Variants in SRP54 observed in about 807,000 individuals in gnomAD.
SRP54 encodes signal recognition particle 54.
A neutral mutation model predicts 64.8 loss-of-function variants in SRP54; 10 were observed. The ratio of observed to expected loss-of-function variants is 0.15; its 90% confidence interval spans 0.10 to 0.26. The LOEUF (loss-of-function observed/expected upper bound fraction) is 0.26, where lower values mean the gene tolerates loss of function less well. SRP54 is among the 10% of genes least tolerant of loss of function. The pLI is 1.00. For synonymous variants in SRP54, 193 were observed against 185.6 expected (o/e 1.04, Z -0.32); for missense variants, 325 against 613.7 (o/e 0.53, Z 4.97).
At chr14:35,003,482 T>G (rs1225677754) in intron 4 of SRP54, among the ~76,000 whole-genome samples, 1 of 152,032 alleles carries the variant, frequency 6.6e-6, no homozygotes, top group Non-Finnish European at 1.5e-5. Context: ...TCGAGCGATC[T>G]TCTCTCCTCA....
chr14:35,014,096 A>G (rs2044398494), intron 10 of SRP54, among the ~76,000 whole-genome samples, 194 bp downstream of exon 10: 1 of 152,092 alleles, frequency 6.6e-6, no homozygotes, highest in African/African-American at 2.4e-5. Context: ...GGTATCTAGT[A>G]GAAAGTTCTT....
At chr14:35,007,797 CAT>C (rs993503775) in intron 5 of SRP54, among the ~76,000 whole-genome samples, 2 of 108,260 alleles carry the variant, frequency 1.8e-5, no homozygotes, top group Non-Finnish European at 4.1e-5. Context: ...ATATTAATAA[CAT>C]ATTAAGATAT....
At chr14:34,990,827 A>G (rs186588405) in intron 1 of SRP54, among the ~76,000 whole-genome samples, 50 of 152,372 alleles carry the variant, frequency 3.3e-4, no homozygotes, top group Non-Finnish European at 5.1e-4. Flanking sequence ...TATTTAATGT[A>G]CAGTACAAAT....
At chr14:34,990,985 A>G (rs963350948) in intron 1 of SRP54, among the ~76,000 whole-genome samples, 3 of 151,964 alleles carry the variant, frequency 2.0e-5, no homozygotes, top group Non-Finnish European at 4.4e-5. Flanking sequence ...CATTTCATTC[A>G]TTCATAATGT....
chr14:34,993,469 C>G (rs1226832057), intron 1 of SRP54: 1 of 151,664 alleles, frequency 6.6e-6, no homozygotes, highest in Non-Finnish European at 1.5e-5. Flanking sequence ...TCAATTTCAT[C>G]AAGTATTGGT....
intron 4 of SRP54, among the ~76,000 whole-genome samples, chr14:35,003,555 T>C (rs982946756): frequency 8.7e-6 from 1 of 115,374 alleles, no homozygotes; most frequent in Non-Finnish European, 1.9e-5. Flanking sequence ...TTGTTTTTTG[T>C]TTTTTTGGTT....
At chr14:35,009,176 C>G (rs1420244534) in intron 7 of SRP54, among the ~76,000 whole-genome samples, 1 of 151,866 alleles carries the variant, frequency 6.6e-6, no homozygotes, top group Admixed American at 6.6e-5. Context: ...GCATGAGCCA[C>G]CATGCCTGAC....
chr14:35,001,051 C>A, intron 4 of SRP54, 31 bp downstream of exon 4: 3 of 1,221,302 alleles, frequency 2.5e-6, no homozygotes, highest in Non-Finnish European at 2.3e-6. Context: ...TGCTGTGATT[C>A]TATACTCAGT....
At chr14:35,009,716 G>T (rs1022410677) in intron 7 of SRP54, among the ~76,000 whole-genome samples, 1 of 152,030 alleles carries the variant, frequency 6.6e-6, no homozygotes, top group Non-Finnish European at 1.5e-5. Context: ...TATATTGGCG[G>T]TATTTTTAAT....
chr14:35,019,367 T>C (rs2044490834), intron 13 of SRP54: 1 of 211,086 alleles, frequency 4.7e-6, no homozygotes, highest in Non-Finnish European at 9.6e-6. Flanking sequence ...GAGTCAAATG[T>C]GGTGGAATGC....
At chr14:35,014,024 T>C in intron 10 of SRP54, 122 bp downstream of exon 10, 1 of 692,352 alleles carries the variant, frequency 1.4e-6, no homozygotes, top group Admixed American at 3.0e-5. Context: ...GTGACTTAGT[T>C]TCCTTACCTG....
chr14:35,016,168 A>C (rs754280736), intron 11 of SRP54, among the ~76,000 whole-genome samples: 1 of 152,004 alleles, frequency 6.6e-6, no homozygotes, highest in Non-Finnish European at 1.5e-5. Flanking sequence ...AGATCTTCTT[A>C]TTGTAAGTCT....
At chr14:35,017,569 C>T (rs188558690) in intron 11 of SRP54, among the ~76,000 whole-genome samples, 1 of 152,348 alleles carries the variant, frequency 6.6e-6, no homozygotes, top group East Asian at 1.9e-4. Context: ...TGTACTGCCA[C>T]TTCACATTCA....
chr14:35,016,771 G>C (rs988073575), intron 11 of SRP54, among the ~76,000 whole-genome samples: 2 of 151,346 alleles, frequency 1.3e-5, no homozygotes, highest in Non-Finnish European at 2.9e-5. Context: ...CTGGCACATA[G>C]TAGGCCTTCA....
intron 11 of SRP54, 180 bp from the exon 12 acceptor site, chr14:35,018,512 A>G (rs1417692907): frequency 8.8e-6 from 5 of 571,108 alleles, no homozygotes; most frequent in Non-Finnish European, 1.6e-5. Context: ...GTCTTTGTCT[A>G]TGTATTCTCC....
chr14:34,999,428 A>G, intron 2 of SRP54, 130 bp from the exon 3 acceptor site: 1 of 602,182 alleles, frequency 1.7e-6, no homozygotes, highest in Non-Finnish European at 2.9e-6. Flanking sequence ...TTATCTCTCC[A>G]AGAACTAACT....
chr14:34,986,186 ATTT>A (rs2043892842), intron 1 of SRP54, among the ~76,000 whole-genome samples: 1 of 152,068 alleles, frequency 6.6e-6, no homozygotes, highest in Non-Finnish European at 1.5e-5. Flanking sequence ...CTGTGATATT[ATTT>A]TACATAAAAT....
At chr14:34,997,572 A>T (rs886280354) in intron 2 of SRP54, among the ~76,000 whole-genome samples, 4 of 152,222 alleles carry the variant, frequency 2.6e-5, no homozygotes, top group Non-Finnish European at 4.4e-5. Flanking sequence ...TTTACCATAG[A>T]AAATGGTTTT....
chr14:35,008,884 CTTTTTTTTT>C (rs35812379), intron 7 of SRP54, 53 bp downstream of exon 7: 5 of 676,424 alleles, frequency 7.4e-6, no homozygotes, highest in Admixed American at 4.3e-5. Flanking sequence ...TGTCTGTCAG[CTTTTTTTTT>C]TTTTTTTTTT....
Sources: allele counts gnomAD v4.1 joint callset (sites outside exome capture counted in the v4.1 genomes callset), GRCh38; gene constraint gnomAD v4.1.1; transcripts MANE v1.5; gene names NCBI Gene and HGNC (gene_info 2026-07-23, HGNC 2026-07-21).